Variants in ZNF644 observed in about 807,000 individuals in gnomAD.
ZNF644 encodes the protein zinc finger motif enhancer binding protein 2.
Under a neutral mutation model 108.0 loss-of-function variants are expected in ZNF644, and 20 were observed. That is an observed-to-expected ratio of 0.19 (90% CI 0.13 to 0.27). The LOEUF (loss-of-function observed/expected upper bound fraction) is 0.27. Ranked by LOEUF, ZNF644 falls within the 10% of genes least tolerant of loss-of-function variation. The pLI is 1.00. For synonymous variants in ZNF644, 542 were observed against 539.1 expected, an observed-to-expected ratio of 1.01 and a Z score of -0.08; for missense variants, 1,338 against 1,548.9, an observed-to-expected ratio of 0.86 and a Z score of 2.29.
chr1:90,959,184 T>C (rs1570436203), intron 2 of ZNF644, among the ~76,000 whole-genome samples: 2 of 152,094 alleles, frequency 1.3e-5, no homozygotes, highest in Non-Finnish European at 2.9e-5. Flanking sequence ...ATTAAAGAAA[T>C]GCAAATCAAT....
In ZNF644 at chr1:90,921,705, A is replaced by G. The variant is rs373069428; in HGVS notation, c.3689-3551T>C. 3.4e-4 allele frequency among the ~76,000 whole-genome samples: 51 copies of G among 152,074 alleles called. No individual in the cohort carries two copies. The East Asian group carries it at 7.5e-3, about 22-fold the overall frequency. ...AATTGCTACTGAGAATATTTTACTC[A>G]TACGGAGAATAAATTGAGCTGTAAG... On this transcript the variant is annotated intron_variant, in intron 4 of 5. Coordinates refer to ENST00000337393, the MANE Select transcript of ZNF644 (RefSeq NM_201269.3).
At chr1:90,921,168 G>T (rs1050311233) in intron 4 of ZNF644, among the ~76,000 whole-genome samples, 21 of 152,030 alleles carry the variant, frequency 1.4e-4, no homozygotes, top group African/African-American at 5.1e-4. Flanking sequence ...TCACTTAAGA[G>T]ATTTTATTAT....
At chr1:91,013,451 T>TCACACACA (rs10590932) in intron 1 of ZNF644, among the ~76,000 whole-genome samples, 20 of 140,160 alleles carry the variant, frequency 1.4e-4, no homozygotes, top group African/African-American at 4.9e-4. Flanking sequence ...AATCTCTCTC[T>TCACACACA]CACACACACA....
At chr1:90,933,696 C>T (rs1570364226) in intron 4 of ZNF644, among the ~76,000 whole-genome samples, 1 of 151,962 alleles carries the variant, frequency 6.6e-6, no homozygotes, top group Non-Finnish European at 1.5e-5. Flanking sequence ...AACAAACCCA[C>T]CTTCATTTTA....
At chr1:90,995,719 A>T (rs1162632869) in intron 1 of ZNF644, among the ~76,000 whole-genome samples, 1 of 152,238 alleles carries the variant, frequency 6.6e-6, no homozygotes, top group Non-Finnish European at 1.5e-5. Flanking sequence ...CTGAAACAAC[A>T]TCTTCTATAT....
chr1:91,003,687 C>CA (rs199940770), intron 1 of ZNF644, among the ~76,000 whole-genome samples: 2,679 of 148,482 alleles, frequency 0.018, 55 homozygotes, highest in African/African-American at 0.055. Context: ...ATAATAATAT[C>CA]AAAAAAAAAT....
intron 2 of ZNF644, among the ~76,000 whole-genome samples, chr1:90,976,764 T>C (rs891534628): frequency 7.9e-5 from 12 of 152,086 alleles, no homozygotes; most frequent in Admixed American, 5.2e-4. Context: ...CAGACAGATA[T>C]ACAGTTGACC....
Position 90,938,613 on chromosome 1 carries a change from T to C in ZNF644, c.2741A>G (p.Asp914Gly), listed in dbSNP as rs1651603254. The C allele has an allele frequency of 6.2e-7, 1 of 1,611,800 alleles. No homozygotes were observed. Among genetic ancestry groups the C allele is most frequent in the Non-Finnish European group, 8.5e-7 (1 of 1,178,820 alleles). Residue 914 changes from aspartate to glycine, a missense_variant, in exon 3 of 6, where the codon GAT becomes GGT. Coordinates refer to ENST00000337393, the MANE Select transcript of ZNF644 (RefSeq NM_201269.3). This position sits in a 1 kb window ranked among gnomAD's most constrained non-coding sequence, Gnocchi z 4.2. ...ENATLSYDQN[D>G]GFYFEYYEDT... The stretch of plus-strand genomic sequence containing the variant: ...TTCATAGTATTCAAAATAAAAGCCA[T>C]CGTTTTGGTCATAACTAAGAGTAGC...
chr1:90,987,830 T>C (rs182362377), intron 1 of ZNF644, among the ~76,000 whole-genome samples: 96 of 152,060 alleles, frequency 6.3e-4, no homozygotes, highest in African/African-American at 1.9e-3. Flanking sequence ...GGATTACACA[T>C]CATGACCAAG....
chr1:90,971,231 T>TAA (rs71087917), intron 2 of ZNF644, among the ~76,000 whole-genome samples: 78 of 143,056 alleles, frequency 5.5e-4, no homozygotes, highest in African/African-American at 8.8e-4. Context: ...TTCATCAACA[T>TAA]AAAAAAAAAA....
chr1:90,982,063 T>C (rs900580), intron 2 of ZNF644, among the ~76,000 whole-genome samples: 2,099 of 152,168 alleles, frequency 0.014, 39 homozygotes, highest in African/African-American at 0.044. Flanking sequence ...CACTGGAAAC[T>C]TGAATGCTTT....
intron 2 of ZNF644, among the ~76,000 whole-genome samples, chr1:90,942,980 G>C (rs1652147758): frequency 6.6e-6 from 1 of 151,986 alleles, no homozygotes; most frequent in East Asian, 1.9e-4. Context: ...TTTTTCTTTT[G>C]CAGTATTTTT....
At chr1:90,923,306 G>A (rs967535582) in intron 4 of ZNF644, among the ~76,000 whole-genome samples, 1 of 151,906 alleles carries the variant, frequency 6.6e-6, no homozygotes, top group Non-Finnish European at 1.5e-5. Flanking sequence ...AAATGAGAAA[G>A]GCTGCATTCA....
At chr1:90,952,034 T>C (rs762196315) in intron 2 of ZNF644, among the ~76,000 whole-genome samples, 2 of 151,748 alleles carry the variant, frequency 1.3e-5, no homozygotes, top group Non-Finnish European at 2.9e-5. Flanking sequence ...TCAGTATCTG[T>C]CTCTCTCTCT....
intron 1 of ZNF644, among the ~76,000 whole-genome samples, chr1:90,998,575 T>C (rs999065684): frequency 6.6e-6 from 1 of 151,998 alleles, no homozygotes; most frequent in Non-Finnish European, 1.5e-5. Context: ...GGACCAAAGG[T>C]AGATAAAACC....
At chr1:90,987,481 A>C (rs999250653) in intron 1 of ZNF644, among the ~76,000 whole-genome samples, 3 of 152,082 alleles carry the variant, frequency 2.0e-5, no homozygotes, top group African/African-American at 7.2e-5. Flanking sequence ...CGAGGACATG[A>C]AAAATAAAAA....
chr1:90,968,060 CAAAAAA>C (rs763728133), intron 2 of ZNF644, among the ~76,000 whole-genome samples: 4 of 67,244 alleles, frequency 5.9e-5, no homozygotes, highest in Middle Eastern at 9.3e-3. Context: ...GACTCCGTCT[CAAAAAA>C]AAAAAAAAAA....
At chr1:90,927,357 A>T (rs1650161273) in intron 4 of ZNF644, among the ~76,000 whole-genome samples, 1 of 152,226 alleles carries the variant, frequency 6.6e-6, no homozygotes, top group South Asian at 2.1e-4. Context: ...TGAAAAAATC[A>T]GCCGATCATT....
chr1:91,005,175 T>C (rs1659297151), intron 1 of ZNF644, among the ~76,000 whole-genome samples: 1 of 149,812 alleles, frequency 6.7e-6, no homozygotes, highest in African/African-American at 2.5e-5. Context: ...CAAAAGAGAG[T>C]TGATGCAGCT....
Sources: allele counts gnomAD v4.1 joint callset (sites outside exome capture counted in the v4.1 genomes callset), GRCh38; gene constraint gnomAD v4.1.1; non-coding constraint Gnocchi (gnomAD v3.1); transcripts MANE v1.5; gene names NCBI Gene and HGNC (gene_info 2026-07-23, HGNC 2026-07-21).